The following FANCC variants were observed in gnomAD, a reference collection of about 807,000 sequenced individuals.
FANCC encodes Fanconi anemia group C protein.
A neutral mutation model predicts 71.3 loss-of-function variants in FANCC; 55 were observed. The observed-to-expected ratio is 0.77, with a 90% CI of 0.62 to 0.97. The LOEUF is 0.97. Ranked by LOEUF, FANCC falls within the 50% of genes least tolerant of loss-of-function variation. FANCC has a pLI of 0.00. For missense variants in FANCC, 678 were observed against 670.9 expected (o/e 1.01, Z -0.12); for synonymous variants, 275 against 244.9 (o/e 1.12, Z -1.15).
intron 1 of FANCC, chr9:95,316,721 C>A (rs1835761952): frequency 6.6e-6 from 1 of 152,236 alleles, no homozygotes; most frequent in Non-Finnish European, 1.5e-5. Flanking sequence ...TGTTATAAAA[C>A]TCCAAGTCTT....
chr9:95,294,314 T>A (rs1248031777), intron 1 of FANCC: 56 of 1,585,614 alleles, frequency 3.5e-5, no homozygotes, highest in Non-Finnish European at 4.8e-5. Context: ...CTTAGCACCA[T>A]GAACACTGAG....
intron 2 of FANCC, among the ~76,000 whole-genome samples, chr9:95,247,888 T>C (rs2136093545): frequency 6.6e-6 from 1 of 152,344 alleles, no homozygotes; most frequent in African/African-American, 2.4e-5. Context: ...TAATCCCGTA[T>C]CTTTATCCTG....
At chr9:95,177,523 T>C (rs2135636469) in intron 4 of FANCC, among the ~76,000 whole-genome samples, 1 of 152,350 alleles carries the variant, frequency 6.6e-6, no homozygotes, top group East Asian at 1.9e-4. Context: ...ACCGCAACTT[T>C]CAAATTTGAT....
rs1425012936 is a variant in FANCC at position 95,101,325 on chromosome 9, A to C, written c.*382T>G. ...TCTCTAAATTCTTTAATGGTTCATG[A>C]CCAAATTCTTGGTTCTAAGACTTTG... On this transcript the variant is annotated 3_prime_UTR_variant, in exon 15 of 15. Coordinates refer to ENST00000289081, the MANE Select transcript of FANCC (RefSeq NM_000136.3). 1 of 359,128 alleles carries C rather than the reference A, an allele frequency of 2.8e-6. No individual in the cohort carries two copies. Among genetic ancestry groups the C allele is most frequent in the Non-Finnish European group, 5.2e-6 (1 of 192,842 alleles). The allele number at this position is 359,128 out of a possible 1,614,324, so 22.2% of individuals were successfully genotyped here. A position where few individuals can be genotyped will look rare whatever the true frequency, so the allele number is the denominator to read the frequency against.
At chr9:95,295,864 C>G (rs1157976383) in intron 1 of FANCC, among the ~76,000 whole-genome samples, 1 of 151,668 alleles carries the variant, frequency 6.6e-6, no homozygotes, top group Non-Finnish European at 1.5e-5. Context: ...AGTTTCAGTC[C>G]TAAAAGAGAA....
chr9:95,181,718 T>C (rs1826380304), intron 4 of FANCC, among the ~76,000 whole-genome samples: 1 of 152,216 alleles, frequency 6.6e-6, no homozygotes, highest in Non-Finnish European at 1.5e-5. Flanking sequence ...TGATATAAAA[T>C]CTTTCATGAG....
At chr9:95,198,220 A>G (rs910838701) in intron 4 of FANCC, among the ~76,000 whole-genome samples, 1 of 152,198 alleles carries the variant, frequency 6.6e-6, no homozygotes, top group Non-Finnish European at 1.5e-5. Flanking sequence ...AAAGGGCTAT[A>G]GAACACAACA....
intron 10 of FANCC, among the ~76,000 whole-genome samples, chr9:95,119,526 C>T (rs538405566): frequency 2.4e-4 from 36 of 151,918 alleles, no homozygotes; most frequent in Non-Finnish European, 4.0e-4. Context: ...CCACTATGCC[C>T]AGCTAATTTT....
At chr9:95,141,311 C>CAA (rs66627467) in intron 7 of FANCC, among the ~76,000 whole-genome samples, 16 of 54,880 alleles carry the variant, frequency 2.9e-4, no homozygotes, top group Admixed American at 6.4e-4. Flanking sequence ...GACCCTGTCT[C>CAA]AAAAAAAAAA....
In FANCC at chr9:95,173,383, G is replaced by C. The variant is rs549308463; in HGVS notation, c.346-1236C>G. Among the ~76,000 whole-genome samples the C allele has an allele frequency of 2.6e-5, 4 of 152,126 alleles. No individual in the cohort carries two copies. In the South Asian group the frequency reaches 6.2e-4, roughly 24 times the overall value. Reference sequence around the variant, plus strand: ...TGTCACCTGAACAAAGACCGATTACGGGCTAACAGAGGCCCTGCCTTATAG... The same window carrying C: ...TGTCACCTGAACAAAGACCGATTACCGGCTAACAGAGGCCCTGCCTTATAG... On this transcript the variant is annotated intron_variant, in intron 4 of 14. Coordinates refer to ENST00000289081, the MANE Select transcript of FANCC (RefSeq NM_000136.3).
intron 4 of FANCC, among the ~76,000 whole-genome samples, chr9:95,236,191 A>G (rs140207681): frequency 4.9e-4 from 75 of 152,212 alleles, no homozygotes; most frequent in Non-Finnish European, 7.1e-4. Context: ...TCAAAAAATA[A>G]TAGTGGTATG....
rs1834166027 is a variant in FANCC at position 95,293,238 on chromosome 9, T to A, written c.-79+24288A>T. On this transcript the variant is annotated intron_variant, in intron 1 of 14. Coordinates refer to ENST00000289081, the MANE Select transcript of FANCC (RefSeq NM_000136.3). ...AAGTTGCTTTTACCAAAGCCCAAAG[T>A]GGCTTTGCTTAAACTACCCGTGATG... The A allele has an allele frequency of 4.3e-6, 7 of 1,613,038 alleles. No individual in the cohort carries two copies. The Admixed American group carries it at 1.2e-4, about 27-fold the overall frequency.
At chr9:95,129,347 A>G (rs1826510079) in intron 8 of FANCC, among the ~76,000 whole-genome samples, 1 of 152,208 alleles carries the variant, frequency 6.6e-6, no homozygotes, top group Non-Finnish European at 1.5e-5. Context: ...AGCAATCTTA[A>G]GCTGCTTTTC....
intron 4 of FANCC, among the ~76,000 whole-genome samples, chr9:95,184,516 C>T (rs1826589321): frequency 6.6e-6 from 1 of 152,030 alleles, no homozygotes; most frequent in African/African-American, 2.4e-5. Context: ...AAAGAAGATT[C>T]GTGTTACAAA....
At chr9:95,255,723 T>G (rs551266302) in intron 1 of FANCC, among the ~76,000 whole-genome samples, 12 of 151,996 alleles carry the variant, frequency 7.9e-5, no homozygotes, top group Non-Finnish European at 1.6e-4. Flanking sequence ...GAAGTAGGCT[T>G]CAGAAGGTGG....
intron 4 of FANCC, among the ~76,000 whole-genome samples, chr9:95,196,193 T>G (rs1440423319): frequency 3.9e-5 from 6 of 152,198 alleles, no homozygotes; most frequent in Non-Finnish European, 7.3e-5. Context: ...TGGGGGGAAG[T>G]ATTCAATCTT....
intron 1 of FANCC, among the ~76,000 whole-genome samples, chr9:95,262,757 T>C (rs1434552202): frequency 6.6e-6 from 1 of 152,210 alleles, no homozygotes; most frequent in Non-Finnish European, 1.5e-5. Context: ...GTGTGGCATA[T>C]GCACACACTG....
rs730881727 is a variant in FANCC, at chr9:95,101,855, A to C, written c.1534-5T>G. ...TATCTCAGCAGTGTGAGCCATCTGC[A>C]ATCAGGACAGAAGAGAAGGCAAATT... On this transcript the variant is annotated splice_polypyrimidine_tract_variant and splice_region_variant and intron_variant, in intron 14 of 14. Coordinates refer to ENST00000289081, the MANE Select transcript of FANCC (RefSeq NM_000136.3). 13 of 1,613,862 alleles carry C rather than the reference A, an allele frequency of 8.1e-6. No individual in the cohort carries two copies. Among genetic ancestry groups the C allele is most frequent in the Non-Finnish European group, 1.1e-5 (13 of 1,179,928 alleles).
chr9:95,228,671 AGAGT>A (rs1352413364), intron 4 of FANCC, among the ~76,000 whole-genome samples: 11 of 152,196 alleles, frequency 7.2e-5, no homozygotes, highest in Non-Finnish European at 1.2e-4. Context: ...GCAAGCGAAG[AGAGT>A]GAGGGTCTAG....
Sources: allele counts gnomAD v4.1 joint callset (sites outside exome capture counted in the v4.1 genomes callset), GRCh38; gene constraint gnomAD v4.1.1; transcripts MANE v1.5; gene names NCBI Gene and HGNC (gene_info 2026-07-23, HGNC 2026-07-21).